KLRD1: variants seen among roughly 807,000 people sequenced by gnomAD.
KLRD1 encodes natural killer cells antigen CD94.
In KLRD1, 21 loss-of-function variants were observed where a neutral mutation model predicts 22.6. That is an observed-to-expected ratio of 0.93 (90% CI 0.66 to 1.34). The LOEUF is 1.34. Ranked by LOEUF, KLRD1 falls within the 40% of genes most tolerant of loss-of-function variation. The probability of loss-of-function intolerance (pLI) is 0.00; values close to 1 mark genes in which losing one functional copy is unlikely to be tolerated. For synonymous variants in KLRD1, 59 were observed against 71.1 expected (o/e 0.83, Z 0.85); for missense variants, 183 against 208.6 (o/e 0.88, Z 0.76).
chr12:10,311,427 T>C, intron 3 of KLRD1, 37 bp from the exon 4 acceptor site: 1 of 1,588,450 alleles, frequency 6.3e-7, no homozygotes, highest in Non-Finnish European at 8.6e-7. Flanking sequence ...ATGTCTAGTC[T>C]CCAGTGTCAT....
Position 10,326,259 on chromosome 12 carries a change from T to TCA in KLRD1, c.*11467_*11468dup, listed in dbSNP as rs1175311959. ...CAATTATTTTCTCCCATTCTGTAGA[T>TCA]CATCCTTTCATTCCATTGGTTATTT... On this transcript the variant is annotated 3_prime_UTR_variant, in exon 6 of 6. Coordinates refer to ENST00000336164, the MANE Select transcript of KLRD1 (RefSeq NM_002262.5). 1 of 152,198 alleles carries TCA rather than the reference T, an allele frequency of 6.6e-6. No individual in the cohort carries two copies. Among genetic ancestry groups the TCA allele is most frequent in the Non-Finnish European group, 1.5e-5 (1 of 68,032 alleles). The allele number at this position is 152,198 out of a possible 1,614,324, so 9.4% of individuals were successfully genotyped here. A position where few individuals can be genotyped will look rare whatever the true frequency, so the allele number is the denominator to read the frequency against.
intron 1 of KLRD1, among the ~76,000 whole-genome samples, chr12:10,244,361 T>A (rs1329892317): frequency 6.6e-6 from 1 of 152,102 alleles, no homozygotes; most frequent in African/African-American, 2.4e-5. Flanking sequence ...ACTCACAAAC[T>A]ACCATTTGTG....
intron 1 of KLRD1, among the ~76,000 whole-genome samples, chr12:10,289,621 G>A (rs368450041): frequency 2.0e-5 from 3 of 152,060 alleles, no homozygotes; most frequent in East Asian, 3.8e-4. Context: ...GCCTATTCCC[G>A]AACCACATGT....
intron 1 of KLRD1, among the ~76,000 whole-genome samples, chr12:10,287,428 A>T (rs1949718251): frequency 6.6e-6 from 1 of 152,210 alleles, no homozygotes. Context: ...AAAAAATGTT[A>T]TACAAATAAT....
intron 1 of KLRD1, among the ~76,000 whole-genome samples, chr12:10,239,429 C>CT (rs879898163): frequency 0.071 from 2,655 of 37,156 alleles, 273 homozygotes; most frequent in Non-Finnish European, 0.098. Flanking sequence ...TCCATCCTTC[C>CT]TTCCTTTCCT....
chr12:10,294,518 C>T (rs1389552689), intron 1 of KLRD1, among the ~76,000 whole-genome samples: 2 of 150,432 alleles, frequency 1.3e-5, no homozygotes, highest in Non-Finnish European at 3.0e-5. Flanking sequence ...CCTGCCTCAG[C>T]CTCCTGAGTA....
chr12:10,241,233 G>C lies in KLRD1; in HGVS notation c.-101+15000G>C, dbSNP rs562879166. 7.2e-5 allele frequency among the ~76,000 whole-genome samples: 11 copies of C among 152,214 alleles called. No homozygotes were observed. The South Asian group carries it at 2.1e-3, about 29-fold the overall frequency. ...ATTGGCTGAAGTACTTTCATAAATA[G>C]CGACTTCACCTCATCAATTATTAGG... is the stretch of plus-strand genomic sequence containing the variant. On this transcript the variant is annotated intron_variant, in intron 1 of 5. Coordinates refer to the KLRD1 transcript ENST00000544747.
At chr12:10,251,575 A>C (rs1949347057) in intron 1 of KLRD1, among the ~76,000 whole-genome samples, 1 of 152,082 alleles carries the variant, frequency 6.6e-6, no homozygotes, top group African/African-American at 2.4e-5. Flanking sequence ...CAAGTGCGTT[A>C]CATTTATTGT....
At chr12:10,253,302 G>A (rs1949362120) in intron 1 of KLRD1, among the ~76,000 whole-genome samples, 1 of 152,124 alleles carries the variant, frequency 6.6e-6, no homozygotes, top group African/African-American at 2.4e-5. Context: ...TGTCCCGCAG[G>A]TCACTGATAC....
intron 4 of KLRD1, among the ~76,000 whole-genome samples, chr12:10,312,814 C>A (rs914092723): frequency 6.6e-6 from 1 of 151,202 alleles, no homozygotes; most frequent in East Asian, 2.0e-4. Context: ...GGTGAAACCA[C>A]GTCTCTACTA....
In KLRD1 at chr12:10,290,366, A is replaced by G. The variant is rs140801856; in HGVS notation, c.-100-17612A>G. On this transcript the variant is annotated intron_variant, in intron 1 of 5. Transcript: ENST00000544747. ...AAAAGTTCCATGGATAGAATGACCA[A>G]TAGGAAGCTGGCTATTTAATTTAAA... Among the ~76,000 whole-genome samples, 373 of 152,356 alleles carry G rather than the reference A, an allele frequency of 2.4e-3. 1 individual carries two copies. The highest frequency in any genetic ancestry group is 8.5e-3 in the African/African-American group (354 of 41,584).
chr12:10,265,484 C>T (rs1003121760), intron 1 of KLRD1, among the ~76,000 whole-genome samples: 3 of 152,156 alleles, frequency 2.0e-5, no homozygotes, highest in Non-Finnish European at 2.9e-5. Context: ...CGGTGGGGCG[C>T]GATGGCTCAC....
intron 1 of KLRD1, among the ~76,000 whole-genome samples, chr12:10,254,477 T>C (rs1028746402): frequency 1.4e-5 from 2 of 140,596 alleles, no homozygotes; most frequent in South Asian, 2.3e-4. Context: ...AAACAGACAA[T>C]GTACAGACTG....
intron 1 of KLRD1, among the ~76,000 whole-genome samples, chr12:10,268,622 C>T (rs1034616286): frequency 2.6e-5 from 4 of 152,082 alleles, no homozygotes; most frequent in South Asian, 4.1e-4. Flanking sequence ...TAATTTCAGT[C>T]GTTAATTTCA....
chr12:10,302,450 C>A (rs573944031), upstream of KLRD1, among the ~76,000 whole-genome samples: 10 of 152,190 alleles, frequency 6.6e-5, no homozygotes, highest in Non-Finnish European at 1.2e-4. Context: ...CAGGTTCTTC[C>A]TGGCCGTTGC....
intron 1 of KLRD1, among the ~76,000 whole-genome samples, chr12:10,271,723 A>G (rs1273739877): frequency 1.3e-5 from 2 of 152,168 alleles, no homozygotes; most frequent in African/African-American, 2.4e-5. Context: ...GTATATACAC[A>G]TACTTATATG....
At chr12:10,310,287 T>C (rs1950030241) in intron 3 of KLRD1, among the ~76,000 whole-genome samples, 1 of 152,114 alleles carries the variant, frequency 6.6e-6, no homozygotes, top group Non-Finnish European at 1.5e-5. Context: ...GCCCAGCTAA[T>C]TTTTGTGTTA....
chr12:10,276,550 C>T lies in KLRD1; in HGVS notation c.-100-31428C>T, dbSNP rs1036581687. Among the ~76,000 whole-genome samples, 11 of 151,446 alleles carry T rather than the reference C, an allele frequency of 7.3e-5. No homozygotes were observed. The South Asian group carries it at 1.0e-3, about 14-fold the overall frequency. On this transcript the variant is annotated intron_variant, in intron 1 of 5. Transcript: ENST00000544747. The stretch of plus-strand genomic sequence containing the variant: ...TTCTTTTTCTTTTTTTCTTTTGAAT[C>T]GGAGTTTCGCTCTTGTTGCCCAGGC...
chr12:10,309,622 A>G lies in KLRD1; in HGVS notation c.101-4A>G, dbSNP rs148646951. 1.9e-4 allele frequency: 308 copies of G among 1,606,266 alleles called. 2 individuals carry two copies. The highest frequency in any genetic ancestry group is 1.5e-3 in the Middle Eastern group (9 of 6,038). On this transcript the variant is annotated splice_polypyrimidine_tract_variant and splice_region_variant and intron_variant, in intron 2 of 5. Transcript: ENST00000336164. ...TTAAACAAATTTCTAATCATTTCTTATAGCTTTTACTAAACTGAGTATTGA... is the reference window on the plus strand; with the variant it reads ...TTAAACAAATTTCTAATCATTTCTTGTAGCTTTTACTAAACTGAGTATTGA...
Sources: gnomAD v4.1 joint callset for allele counts (sites outside exome capture counted in the v4.1 genomes callset) on GRCh38, gnomAD v4.1.1 for gene constraint, MANE v1.5 for transcripts, NCBI Gene and HGNC (gene_info 2026-07-23, HGNC 2026-07-21) for gene names.